HSP90AA1: variants seen among roughly 807,000 people sequenced by gnomAD.
HSP90AA1 encodes heat shock protein HSP 90-alpha.
A neutral mutation model predicts 73.3 loss-of-function variants in HSP90AA1; 18 were observed. That is an observed-to-expected ratio of 0.25 (90% CI 0.17 to 0.36). The LOEUF is 0.36. HSP90AA1 is among the 10% of genes least tolerant of loss of function. The probability of loss-of-function intolerance (pLI) is 1.00; values close to 1 mark genes in which losing one functional copy is unlikely to be tolerated. For missense variants in HSP90AA1, 704 were observed against 874.2 expected (o/e 0.81, Z 2.45); for synonymous variants, 477 against 296.9 (o/e 1.61, Z -6.24).
chr14:102,124,065 A>G lies in HSP90AA1; in HGVS notation c.155+15185T>C, dbSNP rs968194870. ...CCCAAAATGCTGGGATTACAGGCGGAAACTACCACGTCCAGCCTATTTATC... is the reference window on the plus strand; with the variant it reads ...CCCAAAATGCTGGGATTACAGGCGGGAACTACCACGTCCAGCCTATTTATC... On this transcript the variant is annotated intron_variant, in intron 1 of 11. Coordinates refer to the HSP90AA1 transcript ENST00000334701. Among the ~76,000 whole-genome samples the G allele has an allele frequency of 2.6e-5, 4 of 152,160 alleles. No individual in the cohort carries two copies. In the East Asian group the frequency reaches 5.8e-4, roughly 22 times the overall value.
chr14:102,084,263 C>G (rs557672381), intron 6 of HSP90AA1, 136 bp downstream of exon 6: 58 of 819,062 alleles, frequency 7.1e-5, no homozygotes, highest in Admixed American at 1.7e-4. Flanking sequence ...CCAGGCTGGT[C>G]TTGAACTCCT....
intron 1 of HSP90AA1, among the ~76,000 whole-genome samples, chr14:102,134,717 C>T (rs187521274): frequency 8.9e-4 from 135 of 152,244 alleles, no homozygotes; most frequent in Non-Finnish European, 1.6e-3. Flanking sequence ...TGCAAATCTT[C>T]GCGGTGAGTG....
chr14:102,083,484 A>G (rs979278188), intron 8 of HSP90AA1, 62 bp downstream of exon 8: 2 of 1,533,560 alleles, frequency 1.3e-6, no homozygotes, highest in Non-Finnish European at 1.8e-6. Context: ...TAGAAAACAC[A>G]CCCACAGAGC....
At chr14:102,122,033 TTATAAA>T in intron 1 of HSP90AA1, among the ~76,000 whole-genome samples, 1 of 152,272 alleles carries the variant, frequency 6.6e-6, no homozygotes, top group East Asian at 1.9e-4. Context: ...CACTTCAAGA[TTATAAA>T]TATATTTATT....
In HSP90AA1 at chr14:102,085,007, G is replaced by A. The variant is rs766223729; in HGVS notation, c.664-9C>T. The A allele has an allele frequency of 1.4e-5, 23 of 1,612,836 alleles. No individual in the cohort carries two copies. The highest frequency in any genetic ancestry group is 1.9e-5 in the Non-Finnish European group (23 of 1,179,624). On this transcript the variant is annotated splice_polypyrimidine_tract_variant and intron_variant, in intron 4 of 10. Transcript: ENST00000216281. ...TCACGTTCCTTCTCCACCTTCAAAA[G>A]AAAACACGAAATCACATCACTGCTG...
intron 1 of HSP90AA1, among the ~76,000 whole-genome samples, chr14:102,126,998 G>A (rs928757368): frequency 6.6e-6 from 1 of 150,932 alleles, no homozygotes; most frequent in Non-Finnish European, 1.5e-5. Flanking sequence ...TTCTCAAAAG[G>A]CCAATAATGC....
chr14:102,082,076 A>C (rs541871696), intron 10 of HSP90AA1, 35 bp downstream of exon 10: 15 of 1,404,146 alleles, frequency 1.1e-5, no homozygotes, highest in South Asian at 5.8e-5. Context: ...ACGTGTGTTT[A>C]TTTTCTTTTT....
chr14:102,105,340 A>G (rs533260518), intron 1 of HSP90AA1, among the ~76,000 whole-genome samples: 6 of 152,254 alleles, frequency 3.9e-5, no homozygotes, highest in Non-Finnish European at 7.4e-5. Context: ...ACTGTTGGAA[A>G]GACAGATGCA....
rs560019146 is a variant in HSP90AA1, at chr14:102,107,327, GGTTT to G, written c.156-5246_156-5243del. On this transcript the variant is annotated intron_variant, in intron 1 of 11. Coordinates refer to the HSP90AA1 transcript ENST00000334701. ...TTTCTTGGTTTAGCCCGTTTTTTTTGGTTTGTTTGTTTTTTTGAGACGTAGTGTT... is the reference window on the plus strand; with the variant it reads ...TTTCTTGGTTTAGCCCGTTTTTTTTGGTTTGTTTTTTTGAGACGTAGTGTT... Among the ~76,000 whole-genome samples the G allele has an allele frequency of 3.0e-4, 46 of 151,562 alleles. 1 individual carries two copies. In the South Asian group the frequency reaches 6.0e-3, roughly 20 times the overall value.
At chr14:102,097,682 G>T (rs2049443207) in intron 2 of HSP90AA1, among the ~76,000 whole-genome samples, 1 of 152,178 alleles carries the variant, frequency 6.6e-6, no homozygotes, top group South Asian at 2.1e-4. Context: ...GAGGAGGAAT[G>T]AGCAGATGTG....
At chr14:102,082,845 C>T (rs2049130331) in intron 9 of HSP90AA1, 189 bp downstream of exon 9, 1 of 658,948 alleles carries the variant, frequency 1.5e-6, no homozygotes, top group Non-Finnish European at 2.7e-6. Flanking sequence ...TGGTCTCGAT[C>T]TCCTGACCTT....
intron 1 of HSP90AA1, among the ~76,000 whole-genome samples, chr14:102,119,783 G>A (rs1403086711): frequency 7.9e-5 from 12 of 152,036 alleles, no homozygotes; most frequent in African/African-American, 4.8e-5. Flanking sequence ...CACCACACCC[G>A]GCCGTTTTCC....
At chr14:102,102,054 C>A (rs559576859) in exon 2 of HSP90AA1, 2 of 1,614,034 alleles carry the variant, frequency 1.2e-6, no homozygotes, top group South Asian at 2.2e-5. Context: ...AACACTTGGG[C>A]CTTTTCTTGG....
chr14:102,084,089 TGA>T (rs890444438), intron 6 of HSP90AA1, 106 bp from the exon 7 acceptor site: 1 of 912,894 alleles, frequency 1.1e-6, no homozygotes, highest in African/African-American at 1.6e-5. Flanking sequence ...GACGTATTTT[TGA>T]GACAGTCTCA....
chr14:102,083,334 T>TTA, intron 8 of HSP90AA1, 32 bp from the exon 9 acceptor site: 2 of 1,611,970 alleles, frequency 1.2e-6, no homozygotes, highest in Non-Finnish European at 1.7e-6. Flanking sequence ...TTTAGACCTT[T>TTA]TAACAGTTAA....
chr14:102,100,204 T>C (rs893670420), intron 2 of HSP90AA1, among the ~76,000 whole-genome samples: 2 of 152,066 alleles, frequency 1.3e-5, no homozygotes, highest in African/African-American at 4.8e-5. Context: ...AAAAGAACTA[T>C]AAATATTCAA....
chr14:102,082,973 A>G, intron 9 of HSP90AA1, 61 bp downstream of exon 9: 2 of 1,523,362 alleles, frequency 1.3e-6, no homozygotes, highest in Non-Finnish European at 1.8e-6. Flanking sequence ...TGGGCTATGT[A>G]TGACTAAGCT....
chr14:102,105,919 A>C (rs986178247), intron 1 of HSP90AA1, among the ~76,000 whole-genome samples: 1 of 152,102 alleles, frequency 6.6e-6, no homozygotes, highest in African/African-American at 2.4e-5. Flanking sequence ...AAAATACAAA[A>C]ATCAGCCGGG....
At chr14:102,116,457 C>T (rs943876233) in intron 1 of HSP90AA1, among the ~76,000 whole-genome samples, 12 of 152,180 alleles carry the variant, frequency 7.9e-5, no homozygotes, top group African/African-American at 2.4e-4. Flanking sequence ...CAAGCAGTGG[C>T]GGCAGGGGCA....
Sources: gnomAD v4.1 joint callset for allele counts (sites outside exome capture counted in the v4.1 genomes callset) on GRCh38, gnomAD v4.1.1 for gene constraint, MANE v1.5 for transcripts, NCBI Gene and HGNC (gene_info 2026-07-23, HGNC 2026-07-21) for gene names.